DMXL2: variants seen among roughly 807,000 people sequenced by gnomAD.
DMXL2 encodes Dmx like 2.
In DMXL2, 103 loss-of-function variants were observed where a neutral mutation model predicts 331.1. The ratio of observed to expected loss-of-function variants is 0.31; its 90% CI spans 0.27 to 0.37. DMXL2 has a LOEUF of 0.37. Ranked by LOEUF, DMXL2 falls within the 10% of genes least tolerant of loss-of-function variation. The probability of loss-of-function intolerance (pLI) is 1.00; values close to 1 mark genes in which losing one functional copy is unlikely to be tolerated. For missense variants in DMXL2, 3,171 were observed against 3,642.9 expected (o/e 0.87, Z 3.33); for synonymous variants, 1,281 against 1,252.1 (o/e 1.02, Z -0.49).
chr15:51,514,505 A>G lies in DMXL2; in HGVS notation c.2581T>C (p.Tyr861His). ...HVFQEDFIIG[Y>H]KPHKEDMEKK... The stretch of plus-strand genomic sequence containing the variant: ...TCCATATCTTCCTTATGTGGTTTAT[A>G]TCCTATAATGAAGTCTTCTTGAAAC... The change falls in exon 15 of 44, where the codon TAT becomes CAT. Residue 861 changes from tyrosine to histidine, a missense_variant. Tyr to His is a moderately conservative substitution (Grantham distance 83). Transcript: ENST00000560891. The G allele has an allele frequency of 6.2e-7, 1 of 1,601,492 alleles. No homozygotes were observed. Among genetic ancestry groups the G allele is most frequent in the Non-Finnish European group, 8.5e-7 (1 of 1,173,996 alleles).
intron 9 of DMXL2, among the ~76,000 whole-genome samples, chr15:51,540,033 T>C (rs1304950328): frequency 6.6e-6 from 1 of 152,222 alleles, no homozygotes; most frequent in African/African-American, 2.4e-5. Context: ...AAATAAATCA[T>C]ATAAAATAGG....
intron 13 of DMXL2, among the ~76,000 whole-genome samples, chr15:51,519,858 G>C (rs921458253): frequency 1.3e-5 from 2 of 151,896 alleles, no homozygotes; most frequent in African/African-American, 4.8e-5. Flanking sequence ...GGCCAGGCTG[G>C]TCTTGAACTC....
At chr15:51,544,713 A>C (rs1294694009) in intron 8 of DMXL2, among the ~76,000 whole-genome samples, 2 of 152,228 alleles carry the variant, frequency 1.3e-5, no homozygotes, top group African/African-American at 4.8e-5. Flanking sequence ...TGTAGACTGT[A>C]AACAAATTAA....
At chr15:51,565,876 T>A (rs1173142162) in intron 3 of DMXL2, among the ~76,000 whole-genome samples, 2 of 152,190 alleles carry the variant, frequency 1.3e-5, no homozygotes, top group East Asian at 3.8e-4. Flanking sequence ...TTATAATATT[T>A]TAAGAATATT....
chr15:51,549,810 T>C lies in DMXL2; in HGVS notation c.568-2402A>G, dbSNP rs1253928018. Among the ~76,000 whole-genome samples, 3 of 152,188 alleles carry C rather than the reference T, an allele frequency of 2.0e-5. No individual in the cohort carries two copies. In the East Asian group the frequency reaches 5.8e-4, roughly 29 times the overall value. ...CAGTCCATTTTTTGATGGGATTGTT[T>C]GGTTTTTTCTTGCTAATTTGTTTGA... On this transcript the variant is annotated intron_variant, in intron 6 of 43. Coordinates refer to ENST00000560891, the MANE Select transcript of DMXL2 (RefSeq NM_001378457.1).
At chr15:51,617,118 C>T (rs536180779) in intron 1 of DMXL2, among the ~76,000 whole-genome samples, 32 of 152,232 alleles carry the variant, frequency 2.1e-4, no homozygotes, top group Non-Finnish European at 4.3e-4. Flanking sequence ...ACATCCTGTG[C>T]TCTTTCAGAT....
intron 33 of DMXL2, among the ~76,000 whole-genome samples, chr15:51,462,271 C>G (rs2040196026): frequency 6.6e-6 from 1 of 152,104 alleles, no homozygotes; most frequent in Non-Finnish European, 1.5e-5. Context: ...TATGGACTCT[C>G]TCTGTTTTCA....
chr15:51,479,535 T>C (rs2041853622), intron 25 of DMXL2, among the ~76,000 whole-genome samples: 1 of 152,112 alleles, frequency 6.6e-6, no homozygotes, highest in Non-Finnish European at 1.5e-5. Flanking sequence ...GAAACAGTAA[T>C]AAGGACACTC....
chr15:51,506,337 A>C (rs940283783), intron 16 of DMXL2, among the ~76,000 whole-genome samples: 1 of 152,046 alleles, frequency 6.6e-6, no homozygotes, highest in Admixed American at 6.5e-5. Flanking sequence ...TGCTGGGATT[A>C]TACGCATGAG....
chr15:51,452,153 G>A (rs2039203669), intron 41 of DMXL2, among the ~76,000 whole-genome samples: 1 of 151,832 alleles, frequency 6.6e-6, no homozygotes, highest in Non-Finnish European at 1.5e-5. Flanking sequence ...ACTCAAGATG[G>A]GTCAAACTTA....
intron 10 of DMXL2, 34 bp from the exon 11 acceptor site, chr15:51,537,793 T>C (rs764555354): frequency 6.3e-7 from 1 of 1,583,650 alleles, no homozygotes; most frequent in Non-Finnish European, 8.6e-7. Context: ...AATACAAGCA[T>C]TAAATAATTC....
At chr15:51,468,129 G>T (rs1041071640) in intron 29 of DMXL2, among the ~76,000 whole-genome samples, 10 of 152,162 alleles carry the variant, frequency 6.6e-5, no homozygotes, top group Admixed American at 3.9e-4. Context: ...AAAGTGAAAA[G>T]TTACATGGTC....
intron 1 of DMXL2, among the ~76,000 whole-genome samples, chr15:51,606,490 C>T (rs769403482): frequency 2.6e-5 from 4 of 152,156 alleles, no homozygotes; most frequent in South Asian, 2.1e-4. Context: ...CCATGGCGCC[C>T]GGCCACTTGT....
Position 51,592,293 on chromosome 15 carries a change from G to T in DMXL2, c.88-16112C>A, listed in dbSNP as rs555338502. ...ATGCACAAGCCTCAGTCGCTGATTC[G>T]ATCAACTGGAAGAAAGGGTATCAGT... is the stretch of plus-strand genomic sequence containing the variant. On this transcript the variant is annotated intron_variant, in intron 1 of 43. Transcript: ENST00000560891. Among the ~76,000 whole-genome samples the T allele has an allele frequency of 5.8e-4, 89 of 152,270 alleles. 1 individual carries two copies. The Middle Eastern group carries it at 0.01, about 17-fold the overall frequency.
At position 51,465,620 on chromosome 15, in the gene DMXL2, G is replaced by A; in HGVS notation, c.7552C>T (p.Leu2518=). 6.2e-7 allele frequency: 1 copy of A among 1,606,432 alleles called. No homozygotes were observed. The highest frequency in any genetic ancestry group is 8.5e-7 in the Non-Finnish European group (1 of 1,177,604). Residue 2518 remains leucine (L), a synonymous_variant, in exon 31 of 44, where the codon CTA becomes TTA. Transcript: ENST00000560891. ...AAATTCTTGACATTGTGAAGTGCTA[G>A]TTTAACCATTGTCAAATGTAGAAGA... ...WALLHLTMVK[L]ALHNVKNFFP...
intron 1 of DMXL2, among the ~76,000 whole-genome samples, chr15:51,613,573 G>C (rs907409135): frequency 6.6e-6 from 1 of 152,128 alleles, no homozygotes; most frequent in African/African-American, 2.4e-5. Flanking sequence ...ATTCTTCTGG[G>C]AACTGGAAAC....
intron 7 of DMXL2, among the ~76,000 whole-genome samples, chr15:51,546,747 C>CA (rs774253054): frequency 1.7e-4 from 26 of 151,826 alleles, no homozygotes; most frequent in South Asian, 8.3e-4. Context: ...AAAACAACAA[C>CA]AAAAAAAACA....
At chr15:51,494,135 T>C (rs1286407682) in intron 19 of DMXL2, among the ~76,000 whole-genome samples, 2 of 152,180 alleles carry the variant, frequency 1.3e-5, no homozygotes, top group East Asian at 3.8e-4. Context: ...AGGTTATTCA[T>C]TAGAGTGATA....
chr15:51,453,656 G>A lies in DMXL2; in HGVS notation c.8605-15C>T. The A allele has an allele frequency of 1.2e-6, 2 of 1,605,786 alleles. No individual in the cohort carries two copies. Among genetic ancestry groups the A allele is most frequent in the Non-Finnish European group, 1.7e-6 (2 of 1,173,584 alleles). On this transcript the variant is annotated splice_polypyrimidine_tract_variant and intron_variant, in intron 40 of 43. Transcript: ENST00000560891. ...CACTGCCAACTCTACGAAAAACAAA[G>A]TGCAACTGATGTTATTTTACCATTG... is the stretch of plus-strand genomic sequence containing the variant.
Sources: allele counts gnomAD v4.1 joint callset (sites outside exome capture counted in the v4.1 genomes callset), GRCh38; gene constraint gnomAD v4.1.1; transcripts MANE v1.5; gene names NCBI Gene and HGNC (gene_info 2026-07-23, HGNC 2026-07-21).